Variants in APPL1 observed in about 807,000 individuals in gnomAD.
The protein encoded by APPL1 is adaptor protein, phosphotyrosine interacting with PH domain and leucine zipper 1.
In APPL1, 42 loss-of-function variants were observed where a neutral mutation model predicts 106.8. The observed-to-expected ratio is 0.39, with a 90% confidence interval of 0.31 to 0.51. The LOEUF (loss-of-function observed/expected upper bound fraction) is 0.51. APPL1 is among the 20% of genes least tolerant of loss of function. The probability of loss-of-function intolerance (pLI) is 0.75; values close to 1 mark genes in which losing one functional copy is unlikely to be tolerated. For missense variants in APPL1, 769 were observed against 858.2 expected, an observed-to-expected ratio of 0.90 and a Z score of 1.30; for synonymous variants, 263 against 281.8, an observed-to-expected ratio of 0.93 and a Z score of 0.67.
rs1200668548 is a variant in APPL1 at position 57,235,493 on chromosome 3, C to A, written c.55-73C>A. ...CTTTAATATCCTACGATTTTTGCTT[C>A]CTTTAGAAAAAATATTTTTCCATCT... On this transcript the variant is annotated intron_variant, in intron 1 of 21. Coordinates refer to ENST00000288266, the MANE Select transcript of APPL1 (RefSeq NM_012096.3). The A allele has an allele frequency of 1.6e-5, 15 of 959,790 alleles. No homozygotes were observed. In the East Asian group the frequency reaches 3.6e-4, roughly 23 times the overall value. 59.5% of individuals were successfully genotyped at this position (959,790 alleles called of 1,614,324 possible).
chr3:57,265,904 A>G (rs1184293968), intron 19 of APPL1, among the ~76,000 whole-genome samples: 1 of 152,218 alleles, frequency 6.6e-6, no homozygotes, highest in African/African-American at 2.4e-5. Context: ...TTAATCATGA[A>G]GGGATGTTGA....
At position 57,248,285 on chromosome 3, in the gene APPL1, C is replaced by T. The variant is rs1462598855; in HGVS notation, c.797C>T (p.Pro266Leu). ...VASDPLYVPDPDPTKFPVNRN... is the reference protein window; with the variant it reads ...VASDPLYVPDLDPTKFPVNRN... The stretch of plus-strand genomic sequence containing the variant: ...AGTGATCCCTTATATGTGCCTGACC[C>T]AGACCCCACCAAATTTCCTGTTAAT... The change falls in exon 10 of 22, where the codon CCA becomes CTA. Residue 266 changes from proline (P) to leucine (L), a missense_variant. Transcript: ENST00000288266. The T allele has an allele frequency of 6.2e-7, 1 of 1,614,096 alleles. No individual in the cohort carries two copies. Among genetic ancestry groups the T allele is most frequent in the Middle Eastern group, 1.6e-4 (1 of 6,062 alleles).
At chr3:57,257,908 A>T (rs1386854001) in intron 15 of APPL1, among the ~76,000 whole-genome samples, 2 of 152,156 alleles carry the variant, frequency 1.3e-5, no homozygotes, top group Admixed American at 1.3e-4. Flanking sequence ...AGCAGTTAAA[A>T]TTTTTCCTTG....
rs2060940421 is a variant in APPL1, at chr3:57,271,583, TAGTTC to T, written c.*1899_*1903del. On this transcript the variant is annotated 3_prime_UTR_variant, in exon 22 of 22. Transcript: ENST00000288266. ...TTATACTACAAATTGTCACCTCACT[TAGTTC>T]AGATGAAATCTGTTACTCTACAAGG... 2 of 152,240 alleles carry T rather than the reference TAGTTC, an allele frequency of 1.3e-5. No homozygotes were observed. The highest frequency in any genetic ancestry group is 4.8e-5 in the African/African-American group (2 of 41,454). 9.4% of individuals were successfully genotyped at this position (152,240 alleles called of 1,614,324 possible).
chr3:57,234,296 CT>C (rs1212693146), intron 1 of APPL1, among the ~76,000 whole-genome samples: 99 of 124,190 alleles, frequency 8.0e-4, no homozygotes, highest in Admixed American at 2.0e-3. Context: ...TATTGACATT[CT>C]TTTTTTTTTT....
intron 2 of APPL1, among the ~76,000 whole-genome samples, chr3:57,236,762 A>T (rs1194684211): frequency 6.6e-6 from 1 of 152,250 alleles, no homozygotes; most frequent in African/African-American, 2.4e-5. Flanking sequence ...ATTGACCAGC[A>T]ATAAAATTTG....
In APPL1 at chr3:57,263,624, G is replaced by A. The variant is rs546327971; in HGVS notation, c.1842+2850G>A. Among the ~76,000 whole-genome samples the A allele has an allele frequency of 1.4e-3, 219 of 152,024 alleles. 1 individual carries two copies. Among genetic ancestry groups the A allele is most frequent in the African/African-American group, 5.1e-3 (212 of 41,448 alleles). ...TTTTATGGCTGAATAGTACTCCATT[G>A]TATGTAAGTACCACATTTTCTTTAT... is the stretch of plus-strand genomic sequence containing the variant. On this transcript the variant is annotated intron_variant, in intron 19 of 21. Coordinates refer to ENST00000288266, the MANE Select transcript of APPL1 (RefSeq NM_012096.3).
rs530545847 is a variant in APPL1 at position 57,269,822 on chromosome 3, T to A, written c.*135T>A. The A allele has an allele frequency of 6.7e-5, 69 of 1,033,258 alleles. No homozygotes were observed. The East Asian group carries it at 1.5e-3, about 22-fold the overall frequency. 64.0% of individuals were successfully genotyped at this position (1,033,258 alleles called of 1,614,324 possible). ...TTGCTTATTTGTTGTAGCTACATTT[T>A]AAAAAAAAGATTGAACTTGATGACT... is the stretch of plus-strand genomic sequence containing the variant. On this transcript the variant is annotated 3_prime_UTR_variant, in exon 22 of 22. Coordinates refer to ENST00000288266, the MANE Select transcript of APPL1 (RefSeq NM_012096.3).
chr3:57,269,458 C>A, intron 21 of APPL1, 83 bp from the exon 22 acceptor site: 1 of 1,321,072 alleles, frequency 7.6e-7, no homozygotes. Flanking sequence ...GAAGAAGTGG[C>A]TCTCAAGAAT....
chr3:57,255,753 A>G (rs1314845002), intron 13 of APPL1, among the ~76,000 whole-genome samples: 2 of 152,216 alleles, frequency 1.3e-5, no homozygotes, highest in African/African-American at 4.8e-5. Flanking sequence ...CTGCCAATCT[A>G]GCTTTTCCTT....
Position 57,260,153 on chromosome 3 carries a change from G to A in APPL1, c.1695G>A (p.Thr565=), listed in dbSNP as rs780307990. 5.6e-6 allele frequency: 9 copies of A among 1,603,086 alleles called. No homozygotes were observed. The East Asian group carries it at 1.1e-4, about 20-fold the overall frequency. ...IDPQTQVTRL[T]FPLPCVVLYA... ...CACAGACACAAGTTACAAGGCTCACGGTGAGTTCCACATGATTTAAGCTTT... is the reference window on the plus strand; with the variant it reads ...CACAGACACAAGTTACAAGGCTCACAGTGAGTTCCACATGATTTAAGCTTT... The change falls in exon 18 of 22, where the codon ACG becomes ACA. Residue 565 remains threonine (T), a splice_region_variant and synonymous_variant. Transcript: ENST00000288266.
At chr3:57,242,488 CA>C (rs891453380) in intron 6 of APPL1, among the ~76,000 whole-genome samples, 1 of 152,022 alleles carries the variant, frequency 6.6e-6, no homozygotes, top group Non-Finnish European at 1.5e-5. Flanking sequence ...GGTTGGAGTG[CA>C]GTGGCTTTTC....
At chr3:57,232,749 T>G (rs1245614469) in intron 1 of APPL1, among the ~76,000 whole-genome samples, 2 of 152,142 alleles carry the variant, frequency 1.3e-5, no homozygotes, top group African/African-American at 4.8e-5. Context: ...ACGCCTGTAA[T>G]CCCAGCACTT....
Position 57,271,167 on chromosome 3 carries a change from A to G in APPL1, c.*1480A>G, listed in dbSNP as rs539569089. 6.6e-6 allele frequency: 1 copy of G among 152,256 alleles called. No individual in the cohort carries two copies. The highest frequency in any genetic ancestry group is 1.9e-4 in the East Asian group (1 of 5,174). 9.4% of individuals were successfully genotyped at this position (152,256 alleles called of 1,614,324 possible). On this transcript the variant is annotated 3_prime_UTR_variant, in exon 22 of 22. Coordinates refer to ENST00000288266, the MANE Select transcript of APPL1 (RefSeq NM_012096.3). Reference sequence around the variant, plus strand: ...CTTTGATATACAGTTTTTTCTTCTTAGTTCTGCATTAGAAATGGCATCTGT... The same window carrying G: ...CTTTGATATACAGTTTTTTCTTCTTGGTTCTGCATTAGAAATGGCATCTGT...
rs142276532 is a variant in APPL1 at position 57,240,492 on chromosome 3, A to G, written c.313A>G (p.Thr105Ala). Residue 105 changes from threonine to alanine, a missense_variant, in exon 5 of 22, where the codon ACT becomes GCT. By Grantham distance (58) the Thr-to-Ala change is moderately conservative. Coordinates refer to ENST00000288266, the MANE Select transcript of APPL1 (RefSeq NM_012096.3). Reference protein sequence around the residue: ...ELSSCHAVLSTQLADAMMFPI... With the variant: ...ELSSCHAVLSAQLADAMMFPI... ...TAGCTCTTGTCATGCAGTGCTTTCA[A>G]CTCAACTTGCTGATGCCATGATGTT... 6.6e-5 allele frequency: 106 copies of G among 1,613,870 alleles called. 1 individual carries two copies. In the African/African-American group the frequency reaches 7.1e-4, roughly 11 times the overall value.
chr3:57,229,326 CT>C (rs879761394), intron 1 of APPL1, among the ~76,000 whole-genome samples: 14 of 146,118 alleles, frequency 9.6e-5, no homozygotes, highest in East Asian at 2.0e-4. Context: ...TCTTACTTGG[CT>C]TTTTTTTTTA....
At chr3:57,233,270 A>G (rs978764000) in intron 1 of APPL1, among the ~76,000 whole-genome samples, 1 of 152,162 alleles carries the variant, frequency 6.6e-6, no homozygotes. Flanking sequence ...AATGGATACC[A>G]TCGTAGATTT....
chr3:57,266,427 T>C (rs1490468938), intron 19 of APPL1, among the ~76,000 whole-genome samples: 1 of 152,106 alleles, frequency 6.6e-6, no homozygotes, highest in African/African-American at 2.4e-5. Context: ...TCTTGGTAGG[T>C]TGTATTTGTC....
At chr3:57,264,947 A>G (rs1165839745) in intron 19 of APPL1, among the ~76,000 whole-genome samples, 1 of 151,986 alleles carries the variant, frequency 6.6e-6, no homozygotes, top group Non-Finnish European at 1.5e-5. Flanking sequence ...TTATGATTCC[A>G]TATACATTTT....
Sources: gnomAD v4.1 joint callset for allele counts (sites outside exome capture counted in the v4.1 genomes callset) on GRCh38, gnomAD v4.1.1 for gene constraint, MANE v1.5 for transcripts, NCBI Gene and HGNC (gene_info 2026-07-23, HGNC 2026-07-21) for gene names.